PTCD2: variants seen among roughly 807,000 people sequenced by gnomAD.
The protein encoded by PTCD2 is pentatricopeptide repeat domain 2, also known as pentatricopeptide repeat-containing protein 2, mitochondrial.
PTCD2 carries 31 observed loss-of-function variants against 42.6 expected under a neutral mutation model. The ratio of observed to expected loss-of-function variants is 0.73; its 90% CI spans 0.55 to 0.98. PTCD2 has a LOEUF of 0.98. Among genes scored for constraint, PTCD2 ranks in the 50% least tolerant of loss-of-function variants. The pLI is 0.00. For synonymous variants in PTCD2, 183 were observed against 170.9 expected, an observed-to-expected ratio of 1.07 and a Z score of -0.55; for missense variants, 476 against 454.8, an observed-to-expected ratio of 1.05 and a Z score of -0.42.
At chr5:72,322,638 A>G (rs577188397) in intron 2 of PTCD2, among the ~76,000 whole-genome samples, 4 of 152,256 alleles carry the variant, frequency 2.6e-5, no homozygotes, top group Non-Finnish European at 5.9e-5. Context: ...AATAAAGTTT[A>G]AAAACTTCAG....
chr5:72,343,647 T>C (rs1172566710), intron 8 of PTCD2, among the ~76,000 whole-genome samples: 4 of 152,120 alleles, frequency 2.6e-5, no homozygotes, highest in African/African-American at 4.8e-5. Flanking sequence ...TGCACACATA[T>C]CACCAAGACA....
chr5:72,326,885 C>T, intron 3 of PTCD2, 144 bp downstream of exon 3: 2 of 730,022 alleles, frequency 2.7e-6, no homozygotes, highest in East Asian at 2.6e-5. Flanking sequence ...CCTTGAACTC[C>T]AGACACCTAC....
chr5:72,340,624 T>C (rs1752004696), intron 7 of PTCD2, among the ~76,000 whole-genome samples: 1 of 152,192 alleles, frequency 6.6e-6, no homozygotes, highest in Non-Finnish European at 1.5e-5. Flanking sequence ...CTGAAGTGAG[T>C]ATTTTAGTAA....
Position 72,326,594 on chromosome 5 carries a change from T to C in PTCD2, c.221-18T>C, listed in dbSNP as rs775969013. 1.9e-6 allele frequency: 3 copies of C among 1,613,938 alleles called. No homozygotes were observed. In the Admixed American group the frequency reaches 5.0e-5, roughly 27 times the overall value. On this transcript the variant is annotated intron_variant, in intron 2 of 9. Coordinates refer to ENST00000380639, the MANE Select transcript of PTCD2 (RefSeq NM_024754.5). Reference sequence around the variant, plus strand: ...CAGTCAGCCTGAGTGATGGTCACCATACTGTGCTTTCTTCCAGAAACGTAT... The same window carrying C: ...CAGTCAGCCTGAGTGATGGTCACCACACTGTGCTTTCTTCCAGAAACGTAT...
intron 2 of PTCD2, among the ~76,000 whole-genome samples, chr5:72,323,698 G>A (rs1447367657): frequency 1.3e-5 from 2 of 152,162 alleles, no homozygotes; most frequent in Non-Finnish European, 2.9e-5. Flanking sequence ...CACCTAGGCT[G>A]GAGTGCAGTT....
rs1022129276 is a variant in PTCD2, at chr5:72,365,978, C to A, written c.*7551C>A. Reference sequence around the variant, plus strand: ...TTTGTAATCCCAGCACTTAGGGAGGCCGAGGCAGGCAGATCACCTGAGGTC... The same window carrying A: ...TTTGTAATCCCAGCACTTAGGGAGGACGAGGCAGGCAGATCACCTGAGGTC... On this transcript the variant is annotated 3_prime_UTR_variant, in exon 10 of 10. Coordinates refer to ENST00000380639, the MANE Select transcript of PTCD2 (RefSeq NM_024754.5). 4 of 152,208 alleles carry A rather than the reference C, an allele frequency of 2.6e-5. No individual in the cohort carries two copies. Among genetic ancestry groups the A allele is most frequent in the Non-Finnish European group, 5.9e-5 (4 of 68,084 alleles). 9.4% of individuals were successfully genotyped at this position (152,208 alleles called of 1,614,324 possible).
chr5:72,336,282 C>A (rs1263947739), intron 6 of PTCD2, among the ~76,000 whole-genome samples: 2 of 152,192 alleles, frequency 1.3e-5, no homozygotes, highest in Non-Finnish European at 2.9e-5. Flanking sequence ...AAGGCTTTTG[C>A]AATCACCGAA....
At position 72,364,733 on chromosome 5, in the gene PTCD2, C is replaced by T. The variant is rs555500852; in HGVS notation, c.*6306C>T. The stretch of plus-strand genomic sequence containing the variant: ...GGTTTTACACATGACAGAGCCAAGA[C>T]ACAGACAAGTAGAATGACTTGCCTG... On this transcript the variant is annotated 3_prime_UTR_variant, in exon 10 of 10. Coordinates refer to ENST00000380639, the MANE Select transcript of PTCD2 (RefSeq NM_024754.5). 1.3e-5 allele frequency: 2 copies of T among 152,286 alleles called. No individual in the cohort carries two copies. The highest frequency in any genetic ancestry group is 3.9e-4 in the East Asian group (2 of 5,174). 9.4% of individuals were successfully genotyped at this position (152,286 alleles called of 1,614,324 possible).
Position 72,367,398 on chromosome 5 carries a change from C to T in PTCD2, c.*8971C>T, listed in dbSNP as rs1256257583. On this transcript the variant is annotated 3_prime_UTR_variant, in exon 10 of 10. Transcript: ENST00000380639. ...GCATCGATAGATACATTCTTGAAAA[C>T]CACCCAAAGTACCTAGAGGAGACCC... 3.9e-5 allele frequency: 6 copies of T among 152,138 alleles called. No individual in the cohort carries two copies. Among genetic ancestry groups the T allele is most frequent in the Non-Finnish European group, 7.3e-5 (5 of 68,030 alleles). 9.4% of individuals were successfully genotyped at this position (152,138 alleles called of 1,614,324 possible). A position where few individuals can be genotyped will look rare whatever the true frequency, so the allele number is the denominator to read the frequency against.
At chr5:72,336,491 G>A (rs1182801138) in intron 6 of PTCD2, among the ~76,000 whole-genome samples, 2 of 152,070 alleles carry the variant, frequency 1.3e-5, no homozygotes, top group Admixed American at 6.6e-5. Flanking sequence ...TTTAATAAAC[G>A]TATGTGACAT....
In PTCD2 at chr5:72,343,316, A is replaced by G. The variant is rs575692740; in HGVS notation, c.828+280A>G. Among the ~76,000 whole-genome samples, 5 of 152,312 alleles carry G rather than the reference A, an allele frequency of 3.3e-5. No individual in the cohort carries two copies. The South Asian group carries it at 8.3e-4, about 25-fold the overall frequency. On this transcript the variant is annotated intron_variant, in intron 8 of 9. Coordinates refer to ENST00000380639, the MANE Select transcript of PTCD2 (RefSeq NM_024754.5). ...CATGGCTAGATGCTGAAGACATGAGACGTGGCTAAGAAAGCTGTAGATGTA... is the reference window on the plus strand; with the variant it reads ...CATGGCTAGATGCTGAAGACATGAGGCGTGGCTAAGAAAGCTGTAGATGTA...
At chr5:72,344,728 T>G (rs779332709) in intron 8 of PTCD2, among the ~76,000 whole-genome samples, 1 of 151,952 alleles carries the variant, frequency 6.6e-6, no homozygotes, top group Non-Finnish European at 1.5e-5. Flanking sequence ...AGAGAGAAAT[T>G]TTAAAGCTGG....
intron 8 of PTCD2, among the ~76,000 whole-genome samples, chr5:72,344,198 T>C (rs1242809826): frequency 1.3e-5 from 2 of 152,074 alleles, no homozygotes; most frequent in Non-Finnish European, 2.9e-5. Flanking sequence ...ATATTGGTTT[T>C]GGTGGAGCAT....
At chr5:72,324,838 C>T (rs1751053349) in intron 2 of PTCD2, among the ~76,000 whole-genome samples, 1 of 152,052 alleles carries the variant, frequency 6.6e-6, no homozygotes, top group South Asian at 2.1e-4. Flanking sequence ...AGGATACTTC[C>T]GAGTATGATT....
chr5:72,352,005 A>T (rs559074006), intron 8 of PTCD2, among the ~76,000 whole-genome samples: 5 of 152,296 alleles, frequency 3.3e-5, no homozygotes, highest in Admixed American at 2.0e-4. Flanking sequence ...TTTACAAATG[A>T]GGGCATTTAA....
Position 72,343,007 on chromosome 5 carries a change from C to A in PTCD2, c.799C>A (p.Pro267Thr). The A allele has an allele frequency of 6.2e-7, 1 of 1,600,578 alleles. No individual in the cohort carries two copies. Among genetic ancestry groups the A allele is most frequent in the Non-Finnish European group, 8.5e-7 (1 of 1,173,100 alleles). The change falls in exon 8 of 10, where the codon CCA (proline) becomes ACA (threonine). Residue 267 changes from proline to threonine, a missense_variant. Pro to Thr is a conservative substitution (Grantham distance 38). Coordinates refer to ENST00000380639, the MANE Select transcript of PTCD2 (RefSeq NM_024754.5). ...AVSIFSQIMNPESIACINLNI... is the reference protein window; with the variant it reads ...AVSIFSQIMNTESIACINLNI... ...GTCCATTTTTTCTCAAATCATGAAT[C>A]CAGAAAGCATAGCCTGCATTAATTT...
intron 4 of PTCD2, among the ~76,000 whole-genome samples, chr5:72,334,199 AATAC>A (rs1751600243): frequency 6.6e-6 from 1 of 152,186 alleles, no homozygotes; most frequent in South Asian, 2.1e-4. Flanking sequence ...CAATTAAATA[AATAC>A]ATACAGACAA....
At chr5:72,338,763 A>G (rs913890439) in intron 7 of PTCD2, 28 bp downstream of exon 7, 2 of 1,280,682 alleles carry the variant, frequency 1.6e-6, no homozygotes, top group African/African-American at 3.0e-5. Context: ...ACATAAGTAA[A>G]TTGGGAGTGG....
At position 72,328,601 on chromosome 5, in the gene PTCD2, C is replaced by A. The variant is rs577444113; in HGVS notation, c.350+1860C>A. ...GGCCTGTTGCTCCCATCTAAGAAACCACTGTTAATATTTTTGCATTTTTTT... is the reference window on the plus strand; with the variant it reads ...GGCCTGTTGCTCCCATCTAAGAAACAACTGTTAATATTTTTGCATTTTTTT... On this transcript the variant is annotated intron_variant, in intron 3 of 9. Coordinates refer to ENST00000380639, the MANE Select transcript of PTCD2 (RefSeq NM_024754.5). 4.6e-5 allele frequency among the ~76,000 whole-genome samples: 7 copies of A among 152,058 alleles called. No homozygotes were observed. In the South Asian group the frequency reaches 1.5e-3, roughly 32 times the overall value.
Sources: gnomAD v4.1 joint callset for allele counts (sites outside exome capture counted in the v4.1 genomes callset) on GRCh38, gnomAD v4.1.1 for gene constraint, MANE v1.5 for transcripts, NCBI Gene and HGNC (gene_info 2026-07-23, HGNC 2026-07-21) for gene names.